NECTIN1: variants seen among roughly 807,000 people sequenced by gnomAD.
NECTIN1 encodes nectin-1.
Under a neutral mutation model 48.0 loss-of-function variants are expected in NECTIN1, and 23 were observed. That is an observed-to-expected ratio of 0.48 (90% CI 0.34 to 0.68). The LOEUF (loss-of-function observed/expected upper bound fraction) is 0.68. Among genes scored for constraint, NECTIN1 ranks in the 30% least tolerant of loss-of-function variants. The pLI is 0.01. For missense variants in NECTIN1, 591 were observed against 709.9 expected (o/e 0.83, Z 1.90); for synonymous variants, 270 against 288.9 (o/e 0.93, Z 0.66).
At chr11:119,713,126 G>A (rs1865683309) in intron 1 of NECTIN1, 1 of 152,324 alleles carries the variant, frequency 6.6e-6, no homozygotes, top group Non-Finnish European at 1.5e-5. Context: ...CATCCAAGCA[G>A]CCTGTGGGGG....
intron 6 of NECTIN1, chr11:119,638,851 G>A (rs925436040): frequency 1.3e-6 from 2 of 1,542,214 alleles, no homozygotes. Flanking sequence ...GCACACATGG[G>A]GGCTCTCCCC....
chr11:119,719,462 G>A (rs1307705178), intron 1 of NECTIN1, among the ~76,000 whole-genome samples: 1 of 152,186 alleles, frequency 6.6e-6, no homozygotes, highest in Non-Finnish European at 1.5e-5. Context: ...CTTACTAGCT[G>A]CGTGACCCTG....
At chr11:119,723,960 A>G (rs1323336507) in intron 1 of NECTIN1, among the ~76,000 whole-genome samples, 1 of 151,886 alleles carries the variant, frequency 6.6e-6, no homozygotes, top group Non-Finnish European at 1.5e-5. Flanking sequence ...TCCCAGGACC[A>G]CCCTCTTCCC....
In NECTIN1 at chr11:119,677,392, G is replaced by A. The variant is rs1036941226; in HGVS notation, c.733+163C>T. On this transcript the variant is annotated intron_variant, in intron 3 of 5. Coordinates refer to ENST00000264025, the MANE Select transcript of NECTIN1 (RefSeq NM_002855.5). The surrounding 1 kb of genome is among the most constrained non-coding windows in gnomAD (Gnocchi z 5.4). The stretch of plus-strand genomic sequence containing the variant: ...AGCCCGGGAGTGGAAACAGGAGGGC[G>A]ACAGGGAAGGAGGAGAGAAAACGAG... 2.6e-5 allele frequency among the ~76,000 whole-genome samples: 4 copies of A among 152,018 alleles called. No homozygotes were observed. Among genetic ancestry groups the A allele is most frequent in the East Asian group, 3.9e-4 (2 of 5,180 alleles).
In NECTIN1 at chr11:119,728,655, G is replaced by T. The variant is rs868396650; in HGVS notation, c.-102C>A. 120 of 366,376 alleles carry T rather than the reference G, an allele frequency of 3.3e-4. 1 individual carries two copies. The Middle Eastern group carries it at 4.5e-3, about 14-fold the overall frequency. The allele number at this position is 366,376 out of a possible 1,614,324, so 22.7% of individuals were successfully genotyped here. On this transcript the variant is annotated 5_prime_UTR_variant, in exon 1 of 6. Transcript: ENST00000264025. ...GGAAGATCGCTGGCGGTCGGCGGGC[G>T]CTCGAAGGATCCAGGTCAGCTGCAG...
intron 1 of NECTIN1, among the ~76,000 whole-genome samples, chr11:119,688,162 T>C (rs979619950): frequency 3.3e-5 from 5 of 152,326 alleles, no homozygotes; most frequent in African/African-American, 1.2e-4. Flanking sequence ...TTTCCTCATG[T>C]ATAAAATGGG....
At chr11:119,682,537 C>T (rs1176172578) in intron 1 of NECTIN1, among the ~76,000 whole-genome samples, 1 of 152,152 alleles carries the variant, frequency 6.6e-6, no homozygotes, top group African/African-American at 2.4e-5. Context: ...GGTTGCATTC[C>T]ACCTCTGCCA....
At chr11:119,646,409 G>A (rs1864396432) in intron 5 of NECTIN1, among the ~76,000 whole-genome samples, 1 of 152,234 alleles carries the variant, frequency 6.6e-6, no homozygotes, top group Non-Finnish European at 1.5e-5. Context: ...AATGGATGAA[G>A]TTGCTGCTGA....
intron 5 of NECTIN1, among the ~76,000 whole-genome samples, chr11:119,649,997 C>G (rs570564610): frequency 8.6e-5 from 13 of 150,678 alleles, no homozygotes; most frequent in Admixed American, 3.3e-4. Flanking sequence ...AGAGAGTCAG[C>G]GAAGGGAGAT....
At chr11:119,648,967 A>G (rs548421693) in intron 5 of NECTIN1, among the ~76,000 whole-genome samples, 42 of 152,288 alleles carry the variant, frequency 2.8e-4, no homozygotes, top group African/African-American at 8.9e-4. Context: ...ACAGCACTAG[A>G]GTAGACGAGT....
At position 119,677,830 on chromosome 11, in the gene NECTIN1, G is replaced by A; in HGVS notation, c.458C>T (p.Thr153Ile). The A allele has an allele frequency of 6.2e-7, 1 of 1,614,134 alleles. No individual in the cohort carries two copies. Among genetic ancestry groups the A allele is most frequent in the Non-Finnish European group, 8.5e-7 (1 of 1,180,028 alleles). ...CTTCTTGGCTCGAAGCACTGCCTGG[G>A]TACCCTCTATCCAATTGGTGGGTTT... ...MAKPTNWIEG[T>I]QAVLRAKKGQ... Residue 153 changes from threonine to isoleucine, a missense_variant, in exon 3 of 6, where the codon ACC becomes ATC. Thr to Ile is a moderately conservative substitution (Grantham distance 89, BLOSUM62 -1). Transcript: ENST00000264025. This position sits in a 1 kb window ranked among gnomAD's most constrained non-coding sequence, Gnocchi z 5.4.
chr11:119,638,568 G>A (rs761509812), intron 7 of NECTIN1, among the ~76,000 whole-genome samples: 2 of 152,162 alleles, frequency 1.3e-5, no homozygotes, highest in African/African-American at 2.4e-5. Flanking sequence ...ATCTCTTAGG[G>A]TGAGGCAGAT....
At chr11:119,681,765 C>T (rs572304861) in intron 1 of NECTIN1, among the ~76,000 whole-genome samples, 4 of 152,310 alleles carry the variant, frequency 2.6e-5, no homozygotes, top group African/African-American at 9.6e-5. Context: ...AGGACGTTCC[C>T]AGCCTCTCTC....
intron 1 of NECTIN1, among the ~76,000 whole-genome samples, chr11:119,722,231 G>T (rs1475434870): frequency 6.6e-6 from 1 of 152,234 alleles, no homozygotes; most frequent in African/African-American, 2.4e-5. Context: ...TTCACATGGG[G>T]CTCCTGAGAG....
intron 1 of NECTIN1, among the ~76,000 whole-genome samples, chr11:119,718,993 G>C (rs9666263): frequency 0.48 from 73,470 of 152,036 alleles, 18,813 homozygotes; most frequent in African/African-American, 0.65. Context: ...ATACACATAG[G>C]CTGAAGGTAA....
intron 1 of NECTIN1, among the ~76,000 whole-genome samples, chr11:119,694,132 T>G (rs7110874): frequency 6.6e-6 from 1 of 151,892 alleles, no homozygotes; most frequent in Non-Finnish European, 1.5e-5. Flanking sequence ...TGTCTGCTCT[T>G]GACTCCCCAT....
chr11:119,675,483 A>G, intron 4 of NECTIN1, 173 bp from the exon 5 acceptor site: 1 of 660,750 alleles, frequency 1.5e-6, no homozygotes, highest in Non-Finnish European at 2.6e-6. Context: ...TGGTAGTTTT[A>G]TATTATTCAG....
At chr11:119,695,266 C>T (rs1216367269) in intron 1 of NECTIN1, among the ~76,000 whole-genome samples, 3 of 151,920 alleles carry the variant, frequency 2.0e-5, no homozygotes, top group African/African-American at 7.3e-5. Flanking sequence ...ACAATCTGTC[C>T]CTGCCCATAT....
intron 5 of NECTIN1, among the ~76,000 whole-genome samples, chr11:119,652,873 G>A (rs951116107): frequency 6.6e-6 from 1 of 152,196 alleles, no homozygotes; most frequent in African/African-American, 2.4e-5. Context: ...CCAGCCTGGA[G>A]ACTGCTCACA....
Sources: gnomAD v4.1 joint callset for allele counts (sites outside exome capture counted in the v4.1 genomes callset) on GRCh38, gnomAD v4.1.1 for gene constraint, Gnocchi (gnomAD v3.1) non-coding constraint, MANE v1.5 for transcripts, NCBI Gene and HGNC (gene_info 2026-07-23, HGNC 2026-07-21) for gene names.